Variants in NRCAM observed in about 807,000 individuals in gnomAD.
NRCAM encodes the protein neuronal cell adhesion molecule.
A neutral mutation model predicts 156.5 loss-of-function variants in NRCAM; 83 were observed. The observed-to-expected ratio is 0.53, with a 90% CI of 0.44 to 0.64. NRCAM has a LOEUF of 0.64. NRCAM is among the 30% of genes least tolerant of loss of function. NRCAM has a pLI of 0.00. For synonymous variants in NRCAM, 538 were observed against 563.9 expected (o/e 0.95, Z 0.65); for missense variants, 1,417 against 1,597.3 (o/e 0.89, Z 1.92).
intron 14 of NRCAM, among the ~76,000 whole-genome samples, chr7:108,197,507 AAT>A (rs1226544771): frequency 6.6e-6 from 1 of 152,170 alleles, no homozygotes; most frequent in Non-Finnish European, 1.5e-5. Context: ...CACTTTTTAA[AAT>A]ATGTTTTTAC....
chr7:108,380,769 T>C (rs2099697262), intron 2 of NRCAM, among the ~76,000 whole-genome samples: 1 of 152,160 alleles, frequency 6.6e-6, no homozygotes, highest in Non-Finnish European at 1.5e-5. Flanking sequence ...CTTCCTGGGC[T>C]CAAGTGATCT....
At chr7:108,342,213 A>G (rs1238025125) in intron 2 of NRCAM, among the ~76,000 whole-genome samples, 2 of 152,214 alleles carry the variant, frequency 1.3e-5, no homozygotes, top group African/African-American at 2.4e-5. Flanking sequence ...ACCTTGTGCC[A>G]TCAAGCCACC....
intron 13 of NRCAM, among the ~76,000 whole-genome samples, chr7:108,200,737 T>TACACACACACACAC (rs61489479): frequency 1.5e-5 from 2 of 134,974 alleles, no homozygotes; most frequent in Admixed American, 1.5e-4. Context: ...GATAAAGAAA[T>TACACACACACACAC]ACACACACAC....
chr7:108,419,672 T>C (rs1806589377), intron 1 of NRCAM, among the ~76,000 whole-genome samples: 2 of 152,254 alleles, frequency 1.3e-5, no homozygotes, highest in African/African-American at 4.8e-5. Context: ...GAAAGTTACA[T>C]GTCTCCACTT....
chr7:108,359,849 T>C (rs902446855), intron 2 of NRCAM, among the ~76,000 whole-genome samples: 2 of 152,204 alleles, frequency 1.3e-5, no homozygotes, highest in Non-Finnish European at 2.9e-5. Context: ...AATTCCTTCT[T>C]GCCTCATTCA....
chr7:108,379,086 T>C (rs562363179), intron 2 of NRCAM, among the ~76,000 whole-genome samples: 1 of 152,086 alleles, frequency 6.6e-6, no homozygotes, highest in African/African-American at 2.4e-5. Flanking sequence ...TTCAAAATAC[T>C]AAGTTCAATC....
At chr7:108,403,993 G>T (rs1400975633) in intron 1 of NRCAM, among the ~76,000 whole-genome samples, 1 of 152,098 alleles carries the variant, frequency 6.6e-6, no homozygotes, top group African/African-American at 2.4e-5. Flanking sequence ...TCTCCTGGCT[G>T]CTTTTCTTAG....
intron 11 of NRCAM, among the ~76,000 whole-genome samples, chr7:108,217,112 C>G (rs6958333): frequency 0.23 from 35,423 of 151,986 alleles, 4,370 homozygotes; most frequent in Non-Finnish European, 0.27. Context: ...GTGTGGACGC[C>G]CTTTTTGTTG....
At chr7:108,403,477 A>T (rs1298860381) in intron 1 of NRCAM, among the ~76,000 whole-genome samples, 1 of 152,236 alleles carries the variant, frequency 6.6e-6, no homozygotes, top group Non-Finnish European at 1.5e-5. Context: ...ATTGTTAGTA[A>T]ATAAATTTAT....
chr7:108,169,037 T>C (rs566612727), intron 28 of NRCAM, among the ~76,000 whole-genome samples: 1 of 152,330 alleles, frequency 6.6e-6, no homozygotes, highest in Admixed American at 6.5e-5. Context: ...TTTCCAGATG[T>C]GTTCTATCAG....
At chr7:108,269,043 G>A (rs1296672182) in intron 3 of NRCAM, among the ~76,000 whole-genome samples, 1 of 152,136 alleles carries the variant, frequency 6.6e-6, no homozygotes, top group Non-Finnish European at 1.5e-5. Context: ...GGCAGAACCA[G>A]GACTTGAGCC....
chr7:108,284,562 T>C (rs1045960381), intron 3 of NRCAM, among the ~76,000 whole-genome samples: 78 of 152,310 alleles, frequency 5.1e-4, no homozygotes, highest in African/African-American at 1.8e-3. Context: ...CCCTTATGAT[T>C]TGACACTTGC....
intron 1 of NRCAM, among the ~76,000 whole-genome samples, chr7:108,405,482 C>G (rs1412370207): frequency 6.6e-6 from 1 of 152,182 alleles, no homozygotes; most frequent in African/African-American, 2.4e-5. Flanking sequence ...GACATTATTG[C>G]AACAATTTCA....
At chr7:108,271,693 CAAA>C (rs200366639) in intron 3 of NRCAM, among the ~76,000 whole-genome samples, 2 of 126,412 alleles carry the variant, frequency 1.6e-5, no homozygotes, top group African/African-American at 3.0e-5. Flanking sequence ...GACTCCACGT[CAAA>C]AAAAAAAAAA....
chr7:108,399,373 T>G (rs1327625518), intron 2 of NRCAM, 63 bp downstream of exon 2: 2 of 152,214 alleles, frequency 1.3e-5, no homozygotes, highest in African/African-American at 4.8e-5. Flanking sequence ...CCAAGTAGAT[T>G]TTGGAAGACA....
intron 3 of NRCAM, among the ~76,000 whole-genome samples, chr7:108,295,644 AT>A (rs1380498537): frequency 6.6e-6 from 1 of 152,228 alleles, no homozygotes; most frequent in Non-Finnish European, 1.5e-5. Context: ...CAACATATGA[AT>A]TTTGGGGGGA....
At chr7:108,295,409 G>A (rs2098434660) in intron 3 of NRCAM, among the ~76,000 whole-genome samples, 1 of 152,322 alleles carries the variant, frequency 6.6e-6, no homozygotes, top group Non-Finnish European at 1.5e-5. Context: ...TGGAGGCTGG[G>A]AAATCAAAGG....
At chr7:108,398,160 C>T (rs2099782230) in intron 2 of NRCAM, among the ~76,000 whole-genome samples, 1 of 152,162 alleles carries the variant, frequency 6.6e-6, no homozygotes, top group Admixed American at 6.6e-5. Context: ...ATCTAGATGT[C>T]CCTTATATAC....
At chr7:108,410,092 G>A (rs951827984) in intron 1 of NRCAM, among the ~76,000 whole-genome samples, 9 of 152,152 alleles carry the variant, frequency 5.9e-5, no homozygotes, top group African/African-American at 2.2e-4. Flanking sequence ...CCTGACTCAA[G>A]AGACTCTCAA....
Sources: allele counts gnomAD v4.1 joint callset (sites outside exome capture counted in the v4.1 genomes callset), GRCh38; gene constraint gnomAD v4.1.1; transcripts MANE v1.5; gene names NCBI Gene and HGNC (gene_info 2026-07-23, HGNC 2026-07-21).